The following PRKCB variants were observed in gnomAD, a reference collection of about 807,000 sequenced individuals.
The protein encoded by PRKCB is protein kinase C beta type.
In PRKCB, 13 loss-of-function variants were observed where a neutral mutation model predicts 81.5. The observed-to-expected ratio is 0.16, with a 90% CI of 0.10 to 0.25. PRKCB has a LOEUF of 0.25. PRKCB is among the 10% of genes least tolerant of loss of function. The pLI, the probability that PRKCB is intolerant of heterozygous loss-of-function variation, is 1.00. For synonymous variants in PRKCB, 335 were observed against 321.4 expected (o/e 1.04, Z -0.45); for missense variants, 509 against 875.7 (o/e 0.58, Z 5.29).
intron 9 of PRKCB, among the ~76,000 whole-genome samples, chr16:24,130,170 C>T (rs1489505094): frequency 6.6e-6 from 1 of 152,164 alleles, no homozygotes; most frequent in Non-Finnish European, 1.5e-5. Context: ...TAAAATTACA[C>T]ACACTGAAAT....
At chr16:24,021,243 CTTCCTTCTTCCT>C (rs1439456868) in intron 3 of PRKCB, among the ~76,000 whole-genome samples, 2 of 93,654 alleles carry the variant, frequency 2.1e-5, no homozygotes, top group African/African-American at 4.5e-5. Context: ...TCCTTCCTTC[CTTCCTTCTTCCT>C]TTCTTCCTTT....
At chr16:24,199,546 G>A (rs1420199471) in intron 16 of PRKCB, among the ~76,000 whole-genome samples, 1 of 152,156 alleles carries the variant, frequency 6.6e-6, no homozygotes, top group Non-Finnish European at 1.5e-5. Flanking sequence ...ATTTATTTAA[G>A]CACAGAACCT....
chr16:24,117,070 T>C (rs1014003429), intron 8 of PRKCB, among the ~76,000 whole-genome samples: 1 of 145,624 alleles, frequency 6.9e-6, no homozygotes, highest in African/African-American at 2.8e-5. Flanking sequence ...ACTGTACTTG[T>C]TGATTTAAAA....
chr16:24,187,143 G>T (rs1432543235), intron 15 of PRKCB, among the ~76,000 whole-genome samples: 1 of 152,230 alleles, frequency 6.6e-6, no homozygotes, highest in Non-Finnish European at 1.5e-5. Flanking sequence ...AGGATCCAGA[G>T]ATTTCTCAAA....
intron 5 of PRKCB, among the ~76,000 whole-genome samples, chr16:24,084,560 A>AGT (rs1966289761): frequency 6.6e-6 from 1 of 152,132 alleles, no homozygotes; most frequent in South Asian, 2.1e-4. Context: ...TGAATCCTGA[A>AGT]CCCTTCAATA....
At chr16:24,066,481 G>A (rs1408974396) in intron 5 of PRKCB, among the ~76,000 whole-genome samples, 2 of 152,174 alleles carry the variant, frequency 1.3e-5, no homozygotes, top group Non-Finnish European at 2.9e-5. Flanking sequence ...CAGAAAAGTT[G>A]CAGAGGATAG....
intron 2 of PRKCB, among the ~76,000 whole-genome samples, chr16:23,943,626 T>C (rs1012629608): frequency 2.6e-5 from 4 of 152,212 alleles, no homozygotes; most frequent in African/African-American, 9.7e-5. Context: ...TCATATAATA[T>C]ACAGACTCTG....
At chr16:24,153,062 A>G (rs1418759133) in intron 9 of PRKCB, among the ~76,000 whole-genome samples, 1 of 152,082 alleles carries the variant, frequency 6.6e-6, no homozygotes. Context: ...TGGGTGCATG[A>G]TCTGGAAGCT....
At chr16:24,202,706 T>C (rs527374470) in intron 16 of PRKCB, among the ~76,000 whole-genome samples, 1 of 152,294 alleles carries the variant, frequency 6.6e-6, no homozygotes, top group African/African-American at 2.4e-5. Flanking sequence ...TGTGTACAAT[T>C]TCTGTATCTT....
intron 16 of PRKCB, among the ~76,000 whole-genome samples, chr16:24,202,937 C>T (rs986308225): frequency 6.6e-6 from 1 of 152,082 alleles, no homozygotes; most frequent in Non-Finnish European, 1.5e-5. Flanking sequence ...GAAACTGGGG[C>T]CTGGTGCAGT....
At chr16:23,939,201 T>C (rs1964105668) in intron 2 of PRKCB, among the ~76,000 whole-genome samples, 1 of 152,204 alleles carries the variant, frequency 6.6e-6, no homozygotes, top group Admixed American at 6.5e-5. Context: ...ACTTATGTAC[T>C]GAAAACTGTA....
chr16:24,077,474 C>A (rs1966193999), intron 5 of PRKCB, among the ~76,000 whole-genome samples: 1 of 148,320 alleles, frequency 6.7e-6, no homozygotes, highest in Admixed American at 6.7e-5. Flanking sequence ...TCCATCCACA[C>A]ATGCATTCAT....
At position 24,123,992 on chromosome 16, in the gene PRKCB, AT is replaced by A. The variant is rs36096722; in HGVS notation, c.1065+14del. On this transcript the variant is annotated intron_variant, in intron 9 of 16. Transcript: ENST00000643927. ...GGCAGCTTTGGCAAGGTATGGTATG[AT>A]TTGGTGGCTCCACCTGCTTTGGAAG... 3 of 1,613,728 alleles carry A rather than the reference AT, an allele frequency of 1.9e-6. No homozygotes were observed. Among genetic ancestry groups the A allele is most frequent in the Admixed American group, 1.7e-5 (1 of 59,978 alleles).
intron 5 of PRKCB, among the ~76,000 whole-genome samples, chr16:24,076,014 C>A (rs1024235695): frequency 6.6e-6 from 1 of 152,170 alleles, no homozygotes. Flanking sequence ...CCTATGTATA[C>A]ATGTGCCATG....
At chr16:24,030,969 C>A (rs531392553) in intron 3 of PRKCB, among the ~76,000 whole-genome samples, 23 of 151,708 alleles carry the variant, frequency 1.5e-4, no homozygotes, top group African/African-American at 4.6e-4. Context: ...GAAGCTGAGG[C>A]AGGAGAATCA....
chr16:24,017,910 T>C (rs1965302835), intron 3 of PRKCB, among the ~76,000 whole-genome samples: 1 of 146,924 alleles, frequency 6.8e-6, no homozygotes, highest in Non-Finnish European at 1.5e-5. Flanking sequence ...TTTTTTTTTT[T>C]TTTTTTTAGA....
chr16:24,093,922 T>C (rs905041612), intron 6 of PRKCB, among the ~76,000 whole-genome samples: 1 of 152,208 alleles, frequency 6.6e-6, no homozygotes, highest in Non-Finnish European at 1.5e-5. Flanking sequence ...ATAACAAAAG[T>C]AGTTAGAACT....
At chr16:24,201,202 CT>C (rs1342664144) in intron 16 of PRKCB, among the ~76,000 whole-genome samples, 1 of 152,212 alleles carries the variant, frequency 6.6e-6, no homozygotes, top group African/African-American at 2.4e-5. Context: ...CCTGTTTAGT[CT>C]GTCTACAGCT....
intron 2 of PRKCB, among the ~76,000 whole-genome samples, chr16:23,975,523 C>T (rs1457463616): frequency 1.3e-5 from 2 of 152,210 alleles, no homozygotes; most frequent in Non-Finnish European, 2.9e-5. Context: ...CTCATGGGCA[C>T]AGTAGACCTG....
Sources: allele counts gnomAD v4.1 joint callset (sites outside exome capture counted in the v4.1 genomes callset), GRCh38; gene constraint gnomAD v4.1.1; transcripts MANE v1.5; gene names NCBI Gene and HGNC (gene_info 2026-07-23, HGNC 2026-07-21).